SUPT20H: variants seen among roughly 807,000 people sequenced by gnomAD.
The protein encoded by SUPT20H is transcription factor SPT20 homolog.
A neutral mutation model predicts 122.8 loss-of-function variants in SUPT20H; 82 were observed. The ratio of observed to expected loss-of-function variants is 0.67; its 90% CI spans 0.56 to 0.80. The LOEUF (loss-of-function observed/expected upper bound fraction) is 0.80, where lower values mean the gene tolerates loss of function less well. SUPT20H is among the 30% of genes least tolerant of loss of function. The pLI, the probability that SUPT20H is intolerant of heterozygous loss-of-function variation, is 0.00. For missense variants in SUPT20H, 831 were observed against 921.6 expected (o/e 0.90, Z 1.27); for synonymous variants, 291 against 313.0 (o/e 0.93, Z 0.74).
intron 16 of SUPT20H, among the ~76,000 whole-genome samples, 158 bp from the exon 17 acceptor site, chr13:37,025,595 T>C (rs2062115151): frequency 6.6e-6 from 1 of 152,214 alleles, no homozygotes; most frequent in Admixed American, 6.5e-5. Flanking sequence ...GTATTAAAAG[T>C]ACATATTTTT....
At chr13:37,055,901 G>T (rs920458277) in intron 1 of SUPT20H, among the ~76,000 whole-genome samples, 1 of 152,114 alleles carries the variant, frequency 6.6e-6, no homozygotes, top group Non-Finnish European at 1.5e-5. Context: ...AATCTACAAT[G>T]AACTCAAACA....
intron 9 of SUPT20H, among the ~76,000 whole-genome samples, chr13:37,034,938 G>C (rs943693464): frequency 2.6e-5 from 4 of 152,138 alleles, no homozygotes; most frequent in African/African-American, 9.7e-5. Context: ...CAGCACATCT[G>C]TTTACTGCAT....
intron 23 of SUPT20H, among the ~76,000 whole-genome samples, chr13:37,015,573 G>GT (rs1349246216): frequency 1.3e-5 from 2 of 152,016 alleles, no homozygotes; most frequent in African/African-American, 4.8e-5. Flanking sequence ...ATCTCTGTAT[G>GT]TTGTTGATGG....
chr13:37,032,019 G>A, intron 10 of SUPT20H, 124 bp from the exon 11 acceptor site: 1 of 774,216 alleles, frequency 1.3e-6, no homozygotes, highest in Non-Finnish European at 1.9e-6. Flanking sequence ...CACATGCCAA[G>A]CACAGTCCTA....
intron 15 of SUPT20H, 54 bp from the exon 16 acceptor site, chr13:37,026,290 TA>T: frequency 8.0e-7 from 1 of 1,257,758 alleles, no homozygotes. Context: ...AGAGTTGTCT[TA>T]AGAAGGCTTG....
chr13:37,025,327 TC>T lies in SUPT20H; in HGVS notation c.1321del (p.Glu441LysfsTer19). 6.2e-7 allele frequency: 1 copy of T among 1,610,856 alleles called. No homozygotes were observed. The highest frequency in any genetic ancestry group is 8.5e-7 in the Non-Finnish European group (1 of 1,177,098). The part of the protein sequence containing the change: ...ASLSQVSPGK[E>X]TDQTETVSVQ... Reference sequence around the variant, plus strand: ...AACATTAATGAAACACACATCTGTTTCTTTCCCTGGAGAAACCTGACTCAGA... The same window carrying T: ...AACATTAATGAAACACACATCTGTTTTTTCCCTGGAGAAACCTGACTCAGA... On this transcript the variant is annotated frameshift_variant, in exon 17 of 26. Coordinates refer to ENST00000350612, the MANE Select transcript of SUPT20H (RefSeq NM_001014286.3). LOFTEE classifies it high-confidence loss of function.
At chr13:37,029,895 A>G in intron 12 of SUPT20H, 59 bp from the exon 13 acceptor site, 1 of 1,323,016 alleles carries the variant, frequency 7.6e-7, no homozygotes, top group South Asian at 1.4e-5. Context: ...ATAAAATGGA[A>G]TCAGTATTCT....
chr13:37,055,844 G>C (rs1355079094), intron 1 of SUPT20H, among the ~76,000 whole-genome samples: 1 of 152,110 alleles, frequency 6.6e-6, no homozygotes, highest in African/African-American at 2.4e-5. Context: ...TACAGAATGG[G>C]AGAAAATGTT....
chr13:37,040,515 T>C (rs2138610493), intron 8 of SUPT20H, 57 bp from the exon 9 acceptor site: 1 of 1,587,820 alleles, frequency 6.3e-7, no homozygotes, highest in South Asian at 1.1e-5. Context: ...ATATGAAGAA[T>C]TCGATAAATA....
intron 3 of SUPT20H, 55 bp downstream of exon 3, chr13:37,048,509 G>C (rs1023662296): frequency 3.4e-6 from 5 of 1,489,388 alleles, no homozygotes; most frequent in Non-Finnish European, 4.5e-6. Context: ...TTAAAACTGA[G>C]CTTTTGTCAA....
chr13:37,025,933 T>C (rs1282416565), intron 16 of SUPT20H: 1 of 320,284 alleles, frequency 3.1e-6, no homozygotes, highest in East Asian at 5.0e-5. Flanking sequence ...TCTCATCCCA[T>C]GAAAAGAACC....
intron 1 of SUPT20H, among the ~76,000 whole-genome samples, chr13:37,058,501 CT>C (rs2139611864): frequency 6.6e-6 from 1 of 152,282 alleles, no homozygotes; most frequent in Admixed American, 6.5e-5. Context: ...TTTCTTGTCA[CT>C]AAATTGGGGA....
intron 1 of SUPT20H, among the ~76,000 whole-genome samples, chr13:37,053,666 T>G (rs1041235688): frequency 4.6e-5 from 7 of 150,856 alleles, no homozygotes; most frequent in Non-Finnish European, 8.8e-5. Flanking sequence ...ATTCACCACA[T>G]GTATTCCAGA....
chr13:37,045,046 A>G (rs896818310), intron 6 of SUPT20H, among the ~76,000 whole-genome samples: 1 of 152,172 alleles, frequency 6.6e-6, no homozygotes, highest in Non-Finnish European at 1.5e-5. Context: ...TTCAGGAAAG[A>G]TAATTGTAAG....
intron 24 of SUPT20H, among the ~76,000 whole-genome samples, chr13:37,011,561 TTTTAA>T (rs2059634987): frequency 1.3e-5 from 2 of 152,182 alleles, no homozygotes; most frequent in Admixed American, 1.3e-4. Context: ...TGGCTTACTC[TTTTAA>T]TTAAGTGTGA....
At chr13:37,036,000 A>G (rs925567069) in intron 9 of SUPT20H, among the ~76,000 whole-genome samples, 10 of 152,212 alleles carry the variant, frequency 6.6e-5, no homozygotes, top group Non-Finnish European at 1.2e-4. Context: ...ACTGTATCAC[A>G]TGCTATAGAG....
In SUPT20H at chr13:37,053,899, G is replaced by A. The variant is rs2068320642; in HGVS notation, c.-93-2316C>T. Among the ~76,000 whole-genome samples, 3 of 151,054 alleles carry A rather than the reference G, an allele frequency of 2.0e-5. No individual in the cohort carries two copies. In the South Asian group the frequency reaches 6.3e-4, roughly 32 times the overall value. On this transcript the variant is annotated intron_variant, in intron 1 of 25. Transcript: ENST00000350612. ...GACTAATAAAGAAGAAAAGAGAGAA[G>A]AATCAAATAGACGCAATAAAAAATG...
intron 24 of SUPT20H, 109 bp from the exon 25 acceptor site, chr13:37,010,764 T>A: frequency 2.8e-6 from 2 of 705,404 alleles, no homozygotes; most frequent in Non-Finnish European, 4.8e-6. Flanking sequence ...GCAGTATGAT[T>A]AATCTTAAGT....
At position 37,022,407 on chromosome 13, in the gene SUPT20H, C is replaced by T. The variant is rs1450098369; in HGVS notation, c.1592-327G>A. The T allele has an allele frequency of 1.6e-6, 2 of 1,286,236 alleles. No individual in the cohort carries two copies. The highest frequency in any genetic ancestry group is 1.5e-5 in the African/African-American group (1 of 65,460). The allele number at this position is 1,286,236 out of a possible 1,614,324, so 79.7% of individuals were successfully genotyped here. A position where few individuals can be genotyped will look rare whatever the true frequency, so the allele number is the denominator to read the frequency against. On this transcript the variant is annotated intron_variant, in intron 19 of 25. Coordinates refer to ENST00000350612, the MANE Select transcript of SUPT20H (RefSeq NM_001014286.3). The surrounding 1 kb of genome is among the most constrained non-coding windows in gnomAD (Gnocchi z 4.5). The stretch of plus-strand genomic sequence containing the variant: ...TTAATGGAATCTTACTTAGCACTGA[C>T]AATTTGTTCTAGTTTTTTTTTTTTT...
Sources: gnomAD v4.1 joint callset for allele counts (sites outside exome capture counted in the v4.1 genomes callset) on GRCh38, gnomAD v4.1.1 for gene constraint, Gnocchi (gnomAD v3.1) non-coding constraint, MANE v1.5 for transcripts, NCBI Gene and HGNC (gene_info 2026-07-23, HGNC 2026-07-21) for gene names.